Variants in ERICH6B observed in about 807,000 individuals in gnomAD.
ERICH6B encodes the protein glutamate rich 6B.
A neutral mutation model predicts 80.0 loss-of-function variants in ERICH6B; 69 were observed. The observed-to-expected ratio is 0.86, with a 90% confidence interval of 0.71 to 1.05. The LOEUF is 1.05. ERICH6B is among the 50% of genes least tolerant of loss of function. The pLI is 0.00. For synonymous variants in ERICH6B, 283 were observed against 291.9 expected (o/e 0.97, Z 0.31); for missense variants, 754 against 796.1 (o/e 0.95, Z 0.64).
intron 1 of ERICH6B, among the ~76,000 whole-genome samples, chr13:45,614,448 A>G (rs2138045327): frequency 6.6e-6 from 1 of 152,294 alleles, no homozygotes; most frequent in Admixed American, 6.5e-5. Flanking sequence ...GATCGAATGG[A>G]TGATCCAACG....
intron 11 of ERICH6B, among the ~76,000 whole-genome samples, chr13:45,560,120 T>C (rs1268862146): frequency 6.6e-6 from 1 of 152,210 alleles, no homozygotes; most frequent in African/African-American, 2.4e-5. Flanking sequence ...CTTTTATCAT[T>C]ATATAATCTT....
At chr13:45,615,363 C>A (rs1024284603) in intron 1 of ERICH6B, among the ~76,000 whole-genome samples, 2 of 152,226 alleles carry the variant, frequency 1.3e-5, no homozygotes, top group African/African-American at 4.8e-5. Context: ...CACTTCCCCC[C>A]AGAGCTAGGG....
intron 7 of ERICH6B, among the ~76,000 whole-genome samples, chr13:45,576,831 C>G (rs974875838): frequency 2.6e-5 from 4 of 152,146 alleles, no homozygotes; most frequent in Non-Finnish European, 5.9e-5. Context: ...ACATTCGAGT[C>G]AATGTAATAA....
intron 10 of ERICH6B, 31 bp downstream of exon 10, chr13:45,563,695 CA>C (rs1566290572): frequency 6.5e-7 from 1 of 1,538,698 alleles, no homozygotes; most frequent in Admixed American, 2.0e-5. Flanking sequence ...GGAGAGCCAG[CA>C]CGTGGTGGAA....
chr13:45,568,459 A>G lies in ERICH6B; in HGVS notation c.1051-8T>C. 1 of 1,487,490 alleles carries G rather than the reference A, an allele frequency of 6.7e-7. No individual in the cohort carries two copies. Among genetic ancestry groups the G allele is most frequent in the Non-Finnish European group, 8.9e-7 (1 of 1,121,520 alleles). 92.1% of individuals were successfully genotyped at this position (1,487,490 alleles called of 1,614,324 possible). On this transcript the variant is annotated splice_region_variant and splice_polypyrimidine_tract_variant and intron_variant, in intron 8 of 14. Coordinates refer to ENST00000298738, the MANE Select transcript of ERICH6B (RefSeq NM_182542.3). Reference sequence around the variant, plus strand: ...ATAGGAGCTGTTCAAAAACTACAAAAGGATCAAAGAATGAAATATTCAGAA... The same window carrying G: ...ATAGGAGCTGTTCAAAAACTACAAAGGGATCAAAGAATGAAATATTCAGAA...
At chr13:45,561,306 C>A (rs1330053758) in intron 11 of ERICH6B, 63 bp downstream of exon 11, 11 of 1,510,430 alleles carry the variant, frequency 7.3e-6, no homozygotes, top group African/African-American at 1.4e-5. Flanking sequence ...TGTATGCACA[C>A]CTCACCAGAG....
chr13:45,581,180 G>A (rs144624042), intron 5 of ERICH6B, among the ~76,000 whole-genome samples: 181 of 152,270 alleles, frequency 1.2e-3, no homozygotes, highest in African/African-American at 4.2e-3. Context: ...TTTGCAATGG[G>A]AAGCTACTGT....
chr13:45,609,862 A>T (rs1319572392), intron 1 of ERICH6B, among the ~76,000 whole-genome samples: 1 of 152,258 alleles, frequency 6.6e-6, no homozygotes, highest in African/African-American at 2.4e-5. Context: ...AAAAATTATA[A>T]CAGTGAGAAA....
intron 11 of ERICH6B, among the ~76,000 whole-genome samples, chr13:45,558,842 T>C (rs1031474828): frequency 2.0e-5 from 3 of 152,248 alleles, no homozygotes; most frequent in African/African-American, 7.2e-5. Context: ...GTTAGTATTT[T>C]GTTAAGGATT....
chr13:45,575,234 G>C lies in ERICH6B; in HGVS notation c.962-304C>G, dbSNP rs186756115. Reference sequence around the variant, plus strand: ...GGTCTTTGAATGAGTCCTGAGTGAAGTAAGGAATGCGCAGGCAGAAGGCCA... The same window carrying C: ...GGTCTTTGAATGAGTCCTGAGTGAACTAAGGAATGCGCAGGCAGAAGGCCA... On this transcript the variant is annotated intron_variant, in intron 7 of 14. Transcript: ENST00000298738. Among the ~76,000 whole-genome samples the C allele has an allele frequency of 2.6e-4, 40 of 152,340 alleles. No individual in the cohort carries two copies. In the East Asian group the frequency reaches 6.7e-3, roughly 26 times the overall value.
At chr13:45,576,855 C>T (rs772241172) in intron 7 of ERICH6B, among the ~76,000 whole-genome samples, 58 of 152,270 alleles carry the variant, frequency 3.8e-4, no homozygotes, top group Admixed American at 7.8e-4. Context: ...AGCTTATTAA[C>T]GTGGCTGGGC....
At chr13:45,592,173 C>T (rs1321177029) in intron 3 of ERICH6B, among the ~76,000 whole-genome samples, 1 of 152,200 alleles carries the variant, frequency 6.6e-6, no homozygotes, top group African/African-American at 2.4e-5. Context: ...AAAGGAGATA[C>T]AGATTGTGAA....
chr13:45,569,743 G>A (rs969396216), intron 8 of ERICH6B, among the ~76,000 whole-genome samples: 28 of 152,194 alleles, frequency 1.8e-4, no homozygotes, highest in African/African-American at 6.3e-4. Flanking sequence ...TATGGCTTAT[G>A]GCTGGCCAGT....
At position 45,574,277 on chromosome 13, in the gene ERICH6B, C is replaced by T. The variant is rs1388654575; in HGVS notation, c.1050+565G>A. The stretch of plus-strand genomic sequence containing the variant: ...GTGTCAGCCCTAGAGGAAGTTGATG[C>T]AGGAAATTCGAGCCACTAGTCTACC... On this transcript the variant is annotated intron_variant, in intron 8 of 14. Transcript: ENST00000298738. 2.6e-5 allele frequency among the ~76,000 whole-genome samples: 4 copies of T among 152,258 alleles called. No individual in the cohort carries two copies. In the East Asian group the frequency reaches 5.8e-4, roughly 22 times the overall value.
At chr13:45,553,040 C>A in intron 11 of ERICH6B, 4 of 267,788 alleles carry the variant, frequency 1.5e-5, no homozygotes, top group South Asian at 7.6e-5. Flanking sequence ...AAGTCTTTAA[C>A]TCAGTAGAAA....
chr13:45,596,398 T>A lies in ERICH6B; in HGVS notation c.608A>T (p.Lys203Ile). ...ALEKEENLDG[K>I]ENLYKKYLKE... ...CAGATACTTTTTATACAGATTTTCT[T>A]TTCCATCCAGATTCTCTTCCTTCTC... Residue 203 changes from lysine to isoleucine, a missense_variant, in exon 3 of 15, where the codon AAA (lysine) becomes ATA (isoleucine). Physicochemically the swap from Lys to Ile is moderately radical, Grantham distance 102. Transcript: ENST00000298738. The A allele has an allele frequency of 6.4e-7, 1 of 1,551,232 alleles. No individual in the cohort carries two copies. The highest frequency in any genetic ancestry group is 8.7e-7 in the Non-Finnish European group (1 of 1,146,848).
At chr13:45,571,433 A>T (rs1452237932) in intron 8 of ERICH6B, among the ~76,000 whole-genome samples, 1 of 152,176 alleles carries the variant, frequency 6.6e-6, no homozygotes, top group Admixed American at 6.5e-5. Context: ...CTGCAAACCA[A>T]GAAAGCTCCT....
intron 4 of ERICH6B, among the ~76,000 whole-genome samples, chr13:45,588,564 G>A (rs551392730): frequency 1.3e-5 from 2 of 152,252 alleles, no homozygotes; most frequent in East Asian, 1.9e-4. Context: ...GATGACTGTC[G>A]TACCTCACTC....
intron 11 of ERICH6B, among the ~76,000 whole-genome samples, chr13:45,556,006 C>T (rs1051083737): frequency 1.3e-4 from 20 of 149,010 alleles, no homozygotes; most frequent in Non-Finnish European, 1.5e-4. Flanking sequence ...CCATGGCTCA[C>T]GCCCTCATTT....
Sources: allele counts gnomAD v4.1 joint callset (sites outside exome capture counted in the v4.1 genomes callset), GRCh38; gene constraint gnomAD v4.1.1; transcripts MANE v1.5; gene names NCBI Gene and HGNC (gene_info 2026-07-23, HGNC 2026-07-21).